CACNA1D: variants seen among roughly 807,000 people sequenced by gnomAD.
The protein encoded by CACNA1D is voltage-dependent L-type calcium channel subunit alpha-1D.
Under a neutral mutation model 257.1 loss-of-function variants are expected in CACNA1D, and 55 were observed. The observed-to-expected ratio is 0.21, with a 90% CI of 0.17 to 0.27. The LOEUF (loss-of-function observed/expected upper bound fraction) is 0.27, where lower values mean the gene tolerates loss of function less well. Among genes scored for constraint, CACNA1D ranks in the 10% least tolerant of loss-of-function variants. CACNA1D has a pLI of 1.00. For missense variants in CACNA1D, 1,876 were observed against 2,784.0 expected (o/e 0.67, Z 7.34); for synonymous variants, 980 against 1,014.9 (o/e 0.97, Z 0.65).
At chr3:53,564,413 G>A (rs991822663) in intron 3 of CACNA1D, among the ~76,000 whole-genome samples, 14 of 152,106 alleles carry the variant, frequency 9.2e-5, no homozygotes, top group Middle Eastern at 3.4e-3. Flanking sequence ...TGCCCACCCC[G>A]GCCTCCCAAA....
Position 53,774,365 on chromosome 3 carries a change from A to G in CACNA1D, c.4111-222A>G. ...TGTCTCCCCCAGGGGAGATCCGCGAATGTGAGACCGTGCCCCTCTGGAGCA... is the reference window on the plus strand; with the variant it reads ...TGTCTCCCCCAGGGGAGATCCGCGAGTGTGAGACCGTGCCCCTCTGGAGCA... On this transcript the variant is annotated intron_variant, in intron 33 of 47. Transcript: ENST00000350061. The surrounding 1 kb of genome is among the most constrained non-coding windows in gnomAD (Gnocchi z 4.3). 1.9e-6 allele frequency: 1 copy of G among 539,526 alleles called. No individual in the cohort carries two copies. Among genetic ancestry groups the G allele is most frequent in the South Asian group, 2.0e-5 (1 of 49,752 alleles). The allele number at this position is 539,526 out of a possible 1,614,324, so 33.4% of individuals were successfully genotyped here.
chr3:53,795,328 A>G (rs73094016), intron 40 of CACNA1D, among the ~76,000 whole-genome samples: 3,701 of 152,332 alleles, frequency 0.024, 71 homozygotes, highest in Non-Finnish European at 0.039. Context: ...GTGGCACCCC[A>G]CAGTCGTGAC....
rs567519991 is a variant in CACNA1D, at chr3:53,507,087, A to C, written c.483+5367A>C. Among the ~76,000 whole-genome samples, 42 of 151,214 alleles carry C rather than the reference A, an allele frequency of 2.8e-4. 1 individual carries two copies. Among genetic ancestry groups the C allele is most frequent in the Non-Finnish European group, 4.0e-4 (27 of 67,732 alleles). On this transcript the variant is annotated intron_variant, in intron 3 of 47. Coordinates refer to ENST00000350061, the MANE Select transcript of CACNA1D (RefSeq NM_001128840.3). ...GACTCTATCTCAAAAAAAAAAAAAA[A>C]AAAAAACAAAAAAATGTGGTAGAAG... is the stretch of plus-strand genomic sequence containing the variant.
chr3:53,511,430 C>T (rs759612231), intron 3 of CACNA1D, among the ~76,000 whole-genome samples: 23 of 152,138 alleles, frequency 1.5e-4, no homozygotes, highest in Non-Finnish European at 2.8e-4. Context: ...TCATTCAGAG[C>T]AGCACTTTCT....
At chr3:53,715,479 G>A (rs1195228982) in intron 9 of CACNA1D, among the ~76,000 whole-genome samples, 1 of 152,070 alleles carries the variant, frequency 6.6e-6, no homozygotes, top group Non-Finnish European at 1.5e-5. Flanking sequence ...AATGATGAAA[G>A]TGGCCAGGGC....
intron 3 of CACNA1D, among the ~76,000 whole-genome samples, chr3:53,546,909 C>CT (rs1559821697): frequency 6.6e-6 from 1 of 152,104 alleles, no homozygotes; most frequent in Non-Finnish European, 1.5e-5. Flanking sequence ...ACAACATGGG[C>CT]TTTGTAAAGT....
At chr3:53,641,605 G>C (rs2093951115) in intron 3 of CACNA1D, among the ~76,000 whole-genome samples, 1 of 152,164 alleles carries the variant, frequency 6.6e-6, no homozygotes, top group Admixed American at 6.5e-5. Flanking sequence ...AGGCTGCCAA[G>C]CATAGAATGT....
chr3:53,725,266 C>T (rs561819999), intron 14 of CACNA1D, among the ~76,000 whole-genome samples: 1 of 152,252 alleles, frequency 6.6e-6, no homozygotes, highest in South Asian at 2.1e-4. Flanking sequence ...AAGAGCCTTC[C>T]TGCTTGGTCC....
At chr3:53,557,075 A>G (rs1266451308) in intron 3 of CACNA1D, among the ~76,000 whole-genome samples, 3 of 152,176 alleles carry the variant, frequency 2.0e-5, no homozygotes, top group Non-Finnish European at 4.4e-5. Context: ...GATGACATCC[A>G]GTTACTTGGT....
At chr3:53,600,616 C>A (rs2093429339) in intron 3 of CACNA1D, among the ~76,000 whole-genome samples, 1 of 152,150 alleles carries the variant, frequency 6.6e-6, no homozygotes, top group African/African-American at 2.4e-5. Context: ...TCAATACCAC[C>A]TTTTAATCTG....
intron 9 of CACNA1D, among the ~76,000 whole-genome samples, chr3:53,708,564 C>T (rs907340522): frequency 1.3e-5 from 2 of 152,240 alleles, no homozygotes; most frequent in African/African-American, 4.8e-5. Flanking sequence ...GCATGTCTGC[C>T]ATCACCTTCA....
chr3:53,562,352 T>C (rs1410818475), intron 3 of CACNA1D, among the ~76,000 whole-genome samples: 1 of 152,232 alleles, frequency 6.6e-6, no homozygotes, highest in Non-Finnish European at 1.5e-5. Flanking sequence ...GCACTGCCAT[T>C]GTGTTCAGAG....
chr3:53,644,596 T>G (rs1019499736), intron 3 of CACNA1D, among the ~76,000 whole-genome samples: 4 of 152,228 alleles, frequency 2.6e-5, no homozygotes, highest in African/African-American at 9.6e-5. Flanking sequence ...CTGGCTTATT[T>G]AGCTTAGCAT....
chr3:53,696,229 A>T lies in CACNA1D; in HGVS notation c.1221-6412A>T, dbSNP rs560296891. On this transcript the variant is annotated intron_variant, in intron 8 of 47. Coordinates refer to ENST00000350061, the MANE Select transcript of CACNA1D (RefSeq NM_001128840.3). ...GCAATCCTCCCACCATCACCTCCCA[A>T]AATGTTGGTATTTCAGGCGTGAGCC... Among the ~76,000 whole-genome samples, 32 of 152,218 alleles carry T rather than the reference A, an allele frequency of 2.1e-4. No individual in the cohort carries two copies. The South Asian group carries it at 5.2e-3, about 25-fold the overall frequency.
rs1040037751 is a variant in CACNA1D at position 53,494,875 on chromosome 3, A to C, written c.-292A>C. ...CAGTTCTCCTTTGCAGCAAAAAATT[A>C]CATGTATATATTATTAAGATAATAT... is the stretch of plus-strand genomic sequence containing the variant. On this transcript the variant is annotated 5_prime_UTR_variant, in exon 1 of 48. Transcript: ENST00000350061. The C allele has an allele frequency of 7.6e-6, 2 of 263,870 alleles. No homozygotes were observed. Among genetic ancestry groups the C allele is most frequent in the Admixed American group, 4.6e-5 (1 of 21,960 alleles). 16.3% of individuals were successfully genotyped at this position (263,870 alleles called of 1,614,324 possible). A position where few individuals can be genotyped will look rare whatever the true frequency, so the allele number is the denominator to read the frequency against.
chr3:53,640,919 C>T (rs1274961655), intron 3 of CACNA1D, among the ~76,000 whole-genome samples: 1 of 152,142 alleles, frequency 6.6e-6, no homozygotes, highest in African/African-American at 2.4e-5. Flanking sequence ...TTGGTTCATC[C>T]TAAGTACATT....
At chr3:53,560,448 C>A in intron 3 of CACNA1D, among the ~76,000 whole-genome samples, 1 of 152,112 alleles carries the variant, frequency 6.6e-6, no homozygotes, top group East Asian at 1.9e-4. Context: ...AGCCTGGTTT[C>A]TTGAGATCCT....
At chr3:53,572,374 GTTTATTTATTTATTTATTTA>G (rs200926153) in intron 3 of CACNA1D, among the ~76,000 whole-genome samples, 2 of 141,636 alleles carry the variant, frequency 1.4e-5, no homozygotes, top group South Asian at 2.3e-4. Context: ...TTGTTTGTTT[GTTTATTTATTTATTTATTTA>G]TTTATTTATT....
rs116383402 is a variant in CACNA1D at position 53,578,028 on chromosome 3, G to A, written c.484-72751G>A. Among the ~76,000 whole-genome samples the A allele has an allele frequency of 3.6e-3, 549 of 152,234 alleles. 7 individuals carry two copies. The highest frequency in any genetic ancestry group is 0.013 in the African/African-American group (523 of 41,528). ...TTTTTGTCATTCAGTCAAAAATTACGTATGGAGCCTCTGCTGCATACAGAA... is the reference window on the plus strand; with the variant it reads ...TTTTTGTCATTCAGTCAAAAATTACATATGGAGCCTCTGCTGCATACAGAA... On this transcript the variant is annotated intron_variant, in intron 3 of 47. Coordinates refer to ENST00000350061, the MANE Select transcript of CACNA1D (RefSeq NM_001128840.3).
Sources: gnomAD v4.1 joint callset for allele counts (sites outside exome capture counted in the v4.1 genomes callset) on GRCh38, gnomAD v4.1.1 for gene constraint, Gnocchi (gnomAD v3.1) non-coding constraint, MANE v1.5 for transcripts, NCBI Gene and HGNC (gene_info 2026-07-23, HGNC 2026-07-21) for gene names.